Variants in OSBPL9 observed in about 807,000 individuals in gnomAD.
OSBPL9 encodes the protein oxysterol-binding protein-related protein 9.
Under a neutral mutation model 106.6 loss-of-function variants are expected in OSBPL9, and 40 were observed. The observed-to-expected ratio is 0.38, with a 90% CI of 0.29 to 0.49. The LOEUF (loss-of-function observed/expected upper bound fraction) is 0.49. Ranked by LOEUF, OSBPL9 falls within the 20% of genes least tolerant of loss-of-function variation. The pLI is 0.97. For synonymous variants in OSBPL9, 269 were observed against 295.4 expected (o/e 0.91, Z 0.92); for missense variants, 609 against 887.2 (o/e 0.69, Z 3.98).
intron 20 of OSBPL9, 43 bp from the exon 21 acceptor site, chr1:51,785,765 T>C: frequency 1.3e-6 from 2 of 1,567,670 alleles, no homozygotes; most frequent in Non-Finnish European, 1.8e-6. Context: ...TTTGGTAGAA[T>C]TTTCAACTTG....
intron 15 of OSBPL9, among the ~76,000 whole-genome samples, chr1:51,777,215 A>G (rs1675282781): frequency 6.6e-6 from 1 of 152,212 alleles, no homozygotes; most frequent in Admixed American, 6.5e-5. Flanking sequence ...ATCACTGTCA[A>G]ATTATTTGTA....
intron 4 of OSBPL9, among the ~76,000 whole-genome samples, chr1:51,718,408 A>G (rs914422242): frequency 2.0e-5 from 3 of 152,350 alleles, no homozygotes; most frequent in African/African-American, 4.8e-5. Context: ...ATTTACCCTG[A>G]TGTGATTATT....
chr1:51,570,157 T>A, the OSBPL9 span, among the ~76,000 whole-genome samples: 1 of 152,226 alleles, frequency 6.6e-6, no homozygotes, highest in East Asian at 1.9e-4. Flanking sequence ...CATACAAAAA[T>A]GCTGTGGTAG....
chr1:51,627,983 T>C (rs1644869180), intron 1 of OSBPL9, among the ~76,000 whole-genome samples: 1 of 152,208 alleles, frequency 6.6e-6, no homozygotes, highest in Admixed American at 6.5e-5. Flanking sequence ...TAAAAATTGT[T>C]TTACTGTTCT....
At chr1:51,761,194 G>A (rs565795870) in intron 10 of OSBPL9, among the ~76,000 whole-genome samples, 66 of 151,766 alleles carry the variant, frequency 4.3e-4, no homozygotes, top group Non-Finnish European at 7.1e-4. Flanking sequence ...TTAAGATAAT[G>A]AGAAAGTGAA....
chr1:51,700,694 T>C (rs922055682), intron 3 of OSBPL9, among the ~76,000 whole-genome samples: 3 of 152,254 alleles, frequency 2.0e-5, no homozygotes, highest in Admixed American at 6.5e-5. Context: ...ACTGGTGATG[T>C]TAACCTTGAT....
intron 2 of OSBPL9, among the ~76,000 whole-genome samples, chr1:51,657,141 T>C (rs748778637): frequency 6.6e-6 from 1 of 152,266 alleles, no homozygotes; most frequent in Non-Finnish European, 1.5e-5. Flanking sequence ...ATTTTATGTA[T>C]TTATGAAAAT....
chr1:51,719,231 C>T (rs557127145), intron 4 of OSBPL9, among the ~76,000 whole-genome samples: 22 of 152,288 alleles, frequency 1.4e-4, no homozygotes, highest in South Asian at 8.3e-4. Context: ...ATCCTTTCGG[C>T]TCTTATGGAA....
At chr1:51,547,977 T>C in the OSBPL9 span, among the ~76,000 whole-genome samples, 1 of 151,842 alleles carries the variant, frequency 6.6e-6, no homozygotes, top group South Asian at 2.1e-4. Flanking sequence ...GGAAATATAA[T>C]AATATTGTAT....
chr1:51,740,087 G>A (rs1666563915), intron 4 of OSBPL9: 1 of 1,544,064 alleles, frequency 6.5e-7, no homozygotes. Flanking sequence ...GATTATTGAT[G>A]TTAGACTCAC....
At chr1:51,678,436 G>T (rs1158590323) in intron 3 of OSBPL9, among the ~76,000 whole-genome samples, 1 of 152,064 alleles carries the variant, frequency 6.6e-6, no homozygotes, top group Non-Finnish European at 1.5e-5. Flanking sequence ...CAAGGCGGGC[G>T]GATCATCTGA....
chr1:51,639,886 G>A (rs994560641), intron 1 of OSBPL9, among the ~76,000 whole-genome samples: 8 of 145,104 alleles, frequency 5.5e-5, no homozygotes, highest in African/African-American at 1.3e-4. Flanking sequence ...GTGCAGTGGC[G>A]CAATCAGGGG....
intron 3 of OSBPL9, among the ~76,000 whole-genome samples, chr1:51,677,926 C>G (rs1251680945): frequency 6.6e-6 from 1 of 151,832 alleles, no homozygotes; most frequent in African/African-American, 2.4e-5. Context: ...GTAATCCCAG[C>G]TCTTTGGGAG....
At chr1:51,641,351 C>T (rs1179059158) in intron 1 of OSBPL9, among the ~76,000 whole-genome samples, 1 of 152,124 alleles carries the variant, frequency 6.6e-6, no homozygotes, top group African/African-American at 2.4e-5. Flanking sequence ...AAAGGCGCAC[C>T]TCCTAATACC....
chr1:51,543,011 T>C, the OSBPL9 span, among the ~76,000 whole-genome samples: 47 of 152,210 alleles, frequency 3.1e-4, no homozygotes, highest in Admixed American at 6.5e-4. Context: ...AAATCCTTCA[T>C]GTGTAAAAAG....
upstream of OSBPL9, chr1:51,573,896 C>A (rs1309421573): frequency 9.0e-6 from 1 of 110,870 alleles, no homozygotes; most frequent in African/African-American, 6.7e-5. Context: ...AGAATTTTCC[C>A]AATTAGTATA....
chr1:51,787,741 G>A lies in OSBPL9; in HGVS notation c.2163G>A (p.Trp721Ter), dbSNP rs1314577428. ...TATTTCATGAAGATGGAGAATGCTGGGTTTATGATGAACCATTACTGAAAC... is the reference window on the plus strand; with the variant it reads ...TATTTCATGAAGATGGAGAATGCTGAGTTTATGATGAACCATTACTGAAAC... ...TRLFHEDGEC[W>*]VYDEPLLKRL... The change falls in exon 24 of 24, where the codon TGG becomes TGA. Residue 721 changes from tryptophan (W) to a stop codon, truncating the protein, a stop_gained. Coordinates refer to ENST00000428468, the MANE Select transcript of OSBPL9 (RefSeq NM_024586.6). LOFTEE classifies it high-confidence loss of function. The A allele has an allele frequency of 1.2e-6, 2 of 1,613,506 alleles. No individual in the cohort carries two copies. The highest frequency in any genetic ancestry group is 1.3e-5 in the African/African-American group (1 of 74,890).
intron 2 of OSBPL9, among the ~76,000 whole-genome samples, chr1:51,660,684 A>G (rs1647085771): frequency 6.6e-6 from 1 of 152,200 alleles, no homozygotes; most frequent in Admixed American, 6.5e-5. Context: ...AATGATGCTA[A>G]AGTAGGTCCT....
At chr1:51,555,878 A>G in the OSBPL9 span, among the ~76,000 whole-genome samples, 3 of 152,206 alleles carry the variant, frequency 2.0e-5, no homozygotes, top group African/African-American at 7.2e-5. Flanking sequence ...GCCAGATTCT[A>G]TACGATGCAG....
Sources: allele counts gnomAD v4.1 joint callset (sites outside exome capture counted in the v4.1 genomes callset), GRCh38; gene constraint gnomAD v4.1.1; transcripts MANE v1.5; gene names NCBI Gene and HGNC (gene_info 2026-07-23, HGNC 2026-07-21).